STPG4: variants seen among roughly 807,000 people sequenced by gnomAD.
The protein encoded by STPG4 is sperm-tail PG-rich repeat containing 4.
A neutral mutation model predicts 31.5 loss-of-function variants in STPG4; 41 were observed. The ratio of observed to expected loss-of-function variants is 1.30; its 90% confidence interval spans 1.01 to 1.69. The LOEUF is 1.69. Ranked by LOEUF, STPG4 falls within the 40% of genes most tolerant of loss-of-function variation. The pLI is 0.00. For missense variants in STPG4, 375 were observed against 293.4 expected, an observed-to-expected ratio of 1.28 and a Z score of -2.03; for synonymous variants, 141 against 103.0, an observed-to-expected ratio of 1.37 and a Z score of -2.24.
chr2:47,120,918 A>G (rs1488533645), intron 5 of STPG4: 2 of 152,246 alleles, frequency 1.3e-5, no homozygotes, highest in Non-Finnish European at 2.9e-5. Flanking sequence ...CTATACATAC[A>G]CATACACAAA....
chr2:47,133,175 T>C (rs1686522558), intron 3 of STPG4, among the ~76,000 whole-genome samples: 1 of 133,290 alleles, frequency 7.5e-6, no homozygotes, highest in South Asian at 2.1e-4. Flanking sequence ...TCTCAGTTCT[T>C]TTTTTTTTTT....
At chr2:47,110,214 CTATTTT>C (rs1686008237) in intron 5 of STPG4, among the ~76,000 whole-genome samples, 1 of 152,222 alleles carries the variant, frequency 6.6e-6, no homozygotes, top group African/African-American at 2.4e-5. Context: ...GAAAGTGGGA[CTATTTT>C]TATTTAATAA....
intron 3 of STPG4, among the ~76,000 whole-genome samples, chr2:47,132,614 C>T (rs1387862086): frequency 6.6e-6 from 1 of 152,152 alleles, no homozygotes; most frequent in Non-Finnish European, 1.5e-5. Context: ...CAAAGGTATT[C>T]TTGTGTCATT....
chr2:47,092,298 G>C (rs1017483331), intron 5 of STPG4, among the ~76,000 whole-genome samples: 5 of 149,358 alleles, frequency 3.3e-5, no homozygotes, highest in African/African-American at 9.9e-5. Flanking sequence ...GGGAGGCCAA[G>C]GCTGGTGGAT....
At chr2:47,142,437 C>A (rs988738862) in intron 3 of STPG4, among the ~76,000 whole-genome samples, 13 of 151,658 alleles carry the variant, frequency 8.6e-5, no homozygotes, top group African/African-American at 3.1e-4. Context: ...ATGTTCCCAA[C>A]CTAGGAAATA....
At chr2:47,117,516 T>C (rs988503833) in intron 5 of STPG4, among the ~76,000 whole-genome samples, 1 of 152,224 alleles carries the variant, frequency 6.6e-6, no homozygotes, top group African/African-American at 2.4e-5. Flanking sequence ...GCCCAACAGA[T>C]AATGTTAAAT....
intron 5 of STPG4, among the ~76,000 whole-genome samples, chr2:47,091,128 AAAGGAAGGAAAG>A (rs967347818): frequency 7.0e-5 from 10 of 142,658 alleles, no homozygotes; most frequent in Admixed American, 1.4e-4. Flanking sequence ...GGGAGGGAGA[AAAGGAAGGAAAG>A]AAGGAAGGGA....
chr2:47,135,909 C>A (rs543673594), intron 3 of STPG4, among the ~76,000 whole-genome samples: 1 of 152,238 alleles, frequency 6.6e-6, no homozygotes, highest in African/African-American at 2.4e-5. Flanking sequence ...GCCTTGAAGT[C>A]AGGTAGTGTC....
intron 3 of STPG4, among the ~76,000 whole-genome samples, chr2:47,133,134 C>CAT (rs930603171): frequency 1.3e-5 from 2 of 151,398 alleles, no homozygotes; most frequent in Non-Finnish European, 2.9e-5. Context: ...TATATATGTG[C>CAT]ATATATATAT....
intron 5 of STPG4, among the ~76,000 whole-genome samples, chr2:47,124,184 T>C (rs184063241): frequency 5.5e-4 from 83 of 152,248 alleles, no homozygotes; most frequent in African/African-American, 2.0e-3. Flanking sequence ...GGCTTCACCA[T>C]GTTGGCCAGG....
rs1457374358 is a variant in STPG4, at chr2:47,090,364, G to A, written c.530C>T (p.Pro177Leu). 1 of 1,549,962 alleles carries A rather than the reference G, an allele frequency of 6.5e-7. No homozygotes were observed. The highest frequency in any genetic ancestry group is 8.7e-7 in the Non-Finnish European group (1 of 1,145,200). Residue 177 changes from proline to leucine, a missense_variant, in exon 6 of 7, where the codon CCT becomes CTT. Pro to Leu is a moderately conservative substitution (Grantham distance 98, BLOSUM62 -3). Transcript: ENST00000445927. ...TTTCACATTATAATGACCTGGACCA[G>A]GGCCTTCATGCTATTGAACATTTAA... ...PTTYFIPHEG[P>L]GPGHYNVKMP...
At chr2:47,087,897 C>T (rs894673549) in intron 6 of STPG4, among the ~76,000 whole-genome samples, 2 of 151,774 alleles carry the variant, frequency 1.3e-5, no homozygotes, top group African/African-American at 4.8e-5. Flanking sequence ...TACAGGTGCC[C>T]GCCACCACCA....
At chr2:47,107,582 T>C (rs903078053) in intron 5 of STPG4, among the ~76,000 whole-genome samples, 2 of 152,092 alleles carry the variant, frequency 1.3e-5, no homozygotes, top group African/African-American at 4.8e-5. Context: ...TGGGCTCCTG[T>C]GCAGCCCCAG....
Position 47,155,243 on chromosome 2 carries a change from C to A in STPG4, c.9G>T (p.Gln3His), listed in dbSNP as rs754579355. 1.4e-5 allele frequency: 23 copies of A among 1,613,982 alleles called. No individual in the cohort carries two copies. Among genetic ancestry groups the A allele is most frequent in the Non-Finnish European group, 1.6e-5 (19 of 1,180,010 alleles). ...AGGTGGAAGCGGTGGCGACGGCTGG[C>A]TGGTCCATGGTGGCCTCCTCTCTCT... Reference protein sequence around the residue: MDQPAVATASTSI... With the variant: MDHPAVATASTSI... Residue 3 changes from glutamine to histidine, a missense_variant, in exon 1 of 7, where the codon CAG becomes CAT. Gln to His is a conservative substitution (Grantham distance 24). Coordinates refer to ENST00000445927, the MANE Select transcript of STPG4 (RefSeq NM_001163561.2).
chr2:47,125,412 C>T (rs546888069), intron 5 of STPG4, among the ~76,000 whole-genome samples: 8 of 152,086 alleles, frequency 5.3e-5, no homozygotes, highest in East Asian at 1.9e-4. Flanking sequence ...AAAAGCAAGA[C>T]GCTGTCTCAA....
intron 5 of STPG4, among the ~76,000 whole-genome samples, chr2:47,098,672 T>C (rs1206331184): frequency 6.7e-6 from 1 of 149,388 alleles, no homozygotes; most frequent in East Asian, 2.0e-4. Context: ...ATACAAGTAA[T>C]AAGCAGCATA....
intron 3 of STPG4, among the ~76,000 whole-genome samples, chr2:47,133,752 T>C (rs1006333120): frequency 2.6e-5 from 4 of 151,802 alleles, no homozygotes; most frequent in Admixed American, 2.6e-4. Context: ...TAATTTTGTA[T>C]TTTTAGTAGA....
At chr2:47,133,041 T>C (rs1686519722) in intron 3 of STPG4, among the ~76,000 whole-genome samples, 1 of 152,250 alleles carries the variant, frequency 6.6e-6, no homozygotes, top group Non-Finnish European at 1.5e-5. Context: ...TCATAAAGTG[T>C]TGAATAGTCA....
intron 5 of STPG4, among the ~76,000 whole-genome samples, chr2:47,105,161 T>C (rs904375151): frequency 6.6e-6 from 1 of 151,884 alleles, no homozygotes; most frequent in Non-Finnish European, 1.5e-5. Context: ...AACTTCTCTT[T>C]ATACGTCACA....
Sources: gnomAD v4.1 joint callset for allele counts (sites outside exome capture counted in the v4.1 genomes callset) on GRCh38, gnomAD v4.1.1 for gene constraint, MANE v1.5 for transcripts, NCBI Gene and HGNC (gene_info 2026-07-23, HGNC 2026-07-21) for gene names.